The following ARHGEF37 variants were observed in gnomAD, a reference collection of about 807,000 sequenced individuals.
The protein encoded by ARHGEF37 is Rho guanine nucleotide exchange factor (GEF) 37.
ARHGEF37 carries 55 observed loss-of-function variants against 71.1 expected under a neutral mutation model. The observed-to-expected ratio is 0.77, with a 90% CI of 0.62 to 0.97. The LOEUF (loss-of-function observed/expected upper bound fraction) is 0.97. Among genes scored for constraint, ARHGEF37 ranks in the 50% least tolerant of loss-of-function variants. The pLI is 0.00. For missense variants in ARHGEF37, 765 were observed against 836.8 expected, an observed-to-expected ratio of 0.91 and a Z score of 1.06; for synonymous variants, 327 against 350.6, an observed-to-expected ratio of 0.93 and a Z score of 0.75.
intron 1 of ARHGEF37, among the ~76,000 whole-genome samples, chr5:149,566,675 G>T (rs1356058995): frequency 6.6e-6 from 1 of 152,098 alleles, no homozygotes; most frequent in African/African-American, 2.4e-5. Flanking sequence ...GATAGTAAGT[G>T]GAGGAGCCAG....
chr5:149,572,928 A>T (rs956191263), intron 1 of ARHGEF37, among the ~76,000 whole-genome samples: 18 of 149,102 alleles, frequency 1.2e-4, no homozygotes, highest in South Asian at 6.3e-4. Context: ...AATTTATTTT[A>T]AAAAAAAATT....
intron 1 of ARHGEF37, among the ~76,000 whole-genome samples, chr5:149,564,634 G>C (rs1762878264): frequency 6.6e-6 from 1 of 152,170 alleles, no homozygotes; most frequent in Non-Finnish European, 1.5e-5. Flanking sequence ...AGGCCAGCCT[G>C]ACCAACATGG....
At chr5:149,603,815 A>T (rs905739343) in intron 3 of ARHGEF37, among the ~76,000 whole-genome samples, 1 of 152,200 alleles carries the variant, frequency 6.6e-6, no homozygotes, top group Non-Finnish European at 1.5e-5. Context: ...ACACACTTGT[A>T]ATCCCAGCTA....
intron 1 of ARHGEF37, among the ~76,000 whole-genome samples, chr5:149,563,929 G>A (rs1464684616): frequency 6.6e-6 from 1 of 150,566 alleles, no homozygotes; most frequent in Non-Finnish European, 1.5e-5. Context: ...CCCACGCATA[G>A]GTAATAATTA....
chr5:149,565,829 A>AGTTTTTTTT (rs1762889688), intron 1 of ARHGEF37, among the ~76,000 whole-genome samples: 1 of 84,490 alleles, frequency 1.2e-5, no homozygotes, highest in Non-Finnish European at 2.7e-5. Context: ...AGAAACTCTA[A>AGTTTTTTTT]TTTTTTTTTT....
intron 5 of ARHGEF37, among the ~76,000 whole-genome samples, chr5:149,617,029 C>G (rs186787780): frequency 5.3e-5 from 8 of 152,290 alleles, no homozygotes; most frequent in Admixed American, 2.0e-4. Context: ...TGTTCCAAGA[C>G]TCACAGCTGC....
intron 1 of ARHGEF37, among the ~76,000 whole-genome samples, chr5:149,584,110 G>A (rs1364297667): frequency 1.3e-5 from 2 of 152,042 alleles, no homozygotes; most frequent in African/African-American, 4.8e-5. Flanking sequence ...CCTAATACTG[G>A]AAGGCTCAAG....
intron 1 of ARHGEF37, 135 bp from the exon 2 acceptor site, chr5:149,597,624 A>T: frequency 1.4e-6 from 1 of 735,692 alleles, no homozygotes; most frequent in East Asian, 3.1e-5. Context: ...AAATGCTAAT[A>T]AACAGTTCAT....
chr5:149,609,795 C>A, intron 4 of ARHGEF37, 100 bp downstream of exon 4: 1 of 1,505,002 alleles, frequency 6.6e-7, no homozygotes, highest in Non-Finnish European at 9.0e-7. Context: ...TGCTGCTTCA[C>A]GAGTGTTGCT....
intron 1 of ARHGEF37, among the ~76,000 whole-genome samples, chr5:149,592,801 G>A (rs556718301): frequency 7.4e-4 from 113 of 152,046 alleles, no homozygotes; most frequent in Non-Finnish European, 1.1e-3. Context: ...ATGGAGTCTC[G>A]CTCTGTCATC....
intron 2 of ARHGEF37, among the ~76,000 whole-genome samples, chr5:149,600,888 C>T (rs1194491500): frequency 2.0e-5 from 3 of 152,166 alleles, no homozygotes; most frequent in Non-Finnish European, 2.9e-5. Flanking sequence ...CCACCCGCCT[C>T]ATCTCCCCAA....
intron 10 of ARHGEF37, among the ~76,000 whole-genome samples, chr5:149,625,264 A>G (rs10476743): frequency 6.6e-6 from 1 of 152,162 alleles, no homozygotes; most frequent in East Asian, 1.9e-4. Context: ...TATCTGTTCT[A>G]GTCACTTGTA....
chr5:149,565,798 T>G (rs1254688383), intron 1 of ARHGEF37, among the ~76,000 whole-genome samples: 8 of 150,208 alleles, frequency 5.3e-5, no homozygotes, highest in Non-Finnish European at 1.2e-4. Flanking sequence ...TTCCACAATC[T>G]GGTCTTAGCT....
chr5:149,592,801 G>T (rs556718301), intron 1 of ARHGEF37, among the ~76,000 whole-genome samples: 1 of 151,932 alleles, frequency 6.6e-6, no homozygotes, highest in Non-Finnish European at 1.5e-5. Flanking sequence ...ATGGAGTCTC[G>T]CTCTGTCATC....
intron 1 of ARHGEF37, among the ~76,000 whole-genome samples, chr5:149,565,844 T>A (rs1434611583): frequency 1.1e-4 from 6 of 56,330 alleles, no homozygotes; most frequent in African/African-American, 5.9e-4. Context: ...TTTTTTTTTT[T>A]TTTTTTTTTT....
intron 1 of ARHGEF37, among the ~76,000 whole-genome samples, chr5:149,565,327 T>C (rs951883841): frequency 6.6e-6 from 1 of 152,222 alleles, no homozygotes; most frequent in Non-Finnish European, 1.5e-5. Context: ...AGTCCTGTTA[T>C]AGTTATATCT....
chr5:149,579,070 C>T (rs1452366114), upstream of ARHGEF37, among the ~76,000 whole-genome samples: 1 of 152,070 alleles, frequency 6.6e-6, no homozygotes. Context: ...AGCAGCTGCC[C>T]CGGGGAGTGT....
upstream of ARHGEF37, among the ~76,000 whole-genome samples, chr5:149,577,729 T>G (rs12515482): frequency 0.26 from 39,017 of 152,204 alleles, 5,438 homozygotes; most frequent in Admixed American, 0.41. Flanking sequence ...GAAGATGACT[T>G]CCATGTGGAC....
chr5:149,587,403 AT>A (rs2113277466), intron 1 of ARHGEF37, among the ~76,000 whole-genome samples: 1 of 152,344 alleles, frequency 6.6e-6, no homozygotes, highest in East Asian at 1.9e-4. Context: ...AGCTACTATA[AT>A]TGAGAGTTTA....
Sources: gnomAD v4.1 joint callset for allele counts (sites outside exome capture counted in the v4.1 genomes callset) on GRCh38, gnomAD v4.1.1 for gene constraint, MANE v1.5 for transcripts, NCBI Gene and HGNC (gene_info 2026-07-23, HGNC 2026-07-21) for gene names.